The following ZNF860 variants were observed in gnomAD, a reference collection of about 807,000 sequenced individuals.
ZNF860 encodes the protein zinc finger protein 860.
For missense variants in ZNF860, 641 were observed against 759.2 expected, an observed-to-expected ratio of 0.84 and a Z score of 1.83; for synonymous variants, 206 against 248.9, an observed-to-expected ratio of 0.83 and a Z score of 1.62.
rs1698994912 is a variant in ZNF860 at position 31,989,615 on chromosome 3, T to C, written c.536T>C (p.Val179Ala). ...ACCAAAGGGAAAGTTGGTAATCAAG[T>C]TGAGAAGTCTATCAACGATGCTTCC... ...FQTKGKVGNQVEKSINDASSV... is the reference protein window; with the variant it reads ...FQTKGKVGNQAEKSINDASSV... The change falls in exon 2 of 2, where the codon GTT becomes GCT. Residue 179 changes from valine to alanine, a missense_variant. Val to Ala is a moderately conservative substitution (Grantham distance 64). Transcript: ENST00000360311. 1 of 1,614,190 alleles carries C rather than the reference T, an allele frequency of 6.2e-7. No individual in the cohort carries two copies. Among genetic ancestry groups the C allele is most frequent in the East Asian group, 2.2e-5 (1 of 44,870 alleles).
the ZNF860 span, among the ~76,000 whole-genome samples, chr3:31,996,879 A>G: frequency 6.6e-6 from 1 of 152,290 alleles, no homozygotes; most frequent in African/African-American, 2.4e-5. Flanking sequence ...TCCATTCAAT[A>G]TGGTATGTGG....
chr3:31,987,625 C>T (rs976223995), intron 1 of ZNF860, among the ~76,000 whole-genome samples: 1 of 152,166 alleles, frequency 6.6e-6, no homozygotes, highest in Non-Finnish European at 1.5e-5. Context: ...CTCTCTAATC[C>T]ACAGGGTCTC....
Position 31,988,790 on chromosome 3 carries a change from A to G in ZNF860, c.-290A>G. 2.2e-6 allele frequency: 1 copy of G among 457,932 alleles called. No individual in the cohort carries two copies. Among genetic ancestry groups the G allele is most frequent in the Non-Finnish European group, 3.9e-6 (1 of 254,712 alleles). The allele number at this position is 457,932 out of a possible 1,614,324, so 28.4% of individuals were successfully genotyped here. On this transcript the variant is annotated 5_prime_UTR_variant, in exon 2 of 2. Coordinates refer to ENST00000360311, the MANE Select transcript of ZNF860 (RefSeq NM_001137674.3). ...ATAAGCAGATTTTCTGAGACCTGCT[A>G]ACAGCCATGTGAGTGACCTTGGAAG...
chr3:31,998,683 T>C, the ZNF860 span, among the ~76,000 whole-genome samples: 1 of 152,248 alleles, frequency 6.6e-6, no homozygotes, highest in African/African-American at 2.4e-5. Context: ...GCCAATTGGC[T>C]ATCCATCAAT....
chr3:31,985,684 A>T (rs1198981719), intron 1 of ZNF860, among the ~76,000 whole-genome samples: 1 of 152,248 alleles, frequency 6.6e-6, no homozygotes, highest in Non-Finnish European at 1.5e-5. Flanking sequence ...AGAGAAAATT[A>T]TCACAACCAG....
chr3:32,003,401 T>A, the ZNF860 span, among the ~76,000 whole-genome samples: 2 of 152,292 alleles, frequency 1.3e-5, no homozygotes, highest in South Asian at 4.1e-4. Flanking sequence ...GCAAAGCTGA[T>A]CCCTGTGTGG....
chr3:31,994,802 C>T (rs973681626), downstream of ZNF860, among the ~76,000 whole-genome samples: 1 of 152,038 alleles, frequency 6.6e-6, no homozygotes, highest in Admixed American at 6.6e-5. Flanking sequence ...AAACAAATAC[C>T]CCAGTATCAG....
chr3:31,986,163 G>A (rs34706964), intron 1 of ZNF860: 2 of 152,148 alleles, frequency 1.3e-5, no homozygotes, highest in African/African-American at 4.8e-5. Context: ...GAGAGAAGCA[G>A]TACAGGTGTT....
rs756039556 is a variant in ZNF860, at chr3:31,989,590, A to G, written c.511A>G (p.Thr171Ala). 1 of 1,614,216 alleles carries G rather than the reference A, an allele frequency of 6.2e-7. No individual in the cohort carries two copies. Among genetic ancestry groups the G allele is most frequent in the Admixed American group, 1.7e-5 (1 of 60,026 alleles). Residue 171 changes from threonine (T) to alanine (A), a missense_variant, in exon 2 of 2, where the codon ACC becomes GCC. By Grantham distance (58) the Thr-to-Ala change is moderately conservative. Transcript: ENST00000360311. ...TCTTCCTGAACTCCACATATTTCAGACCAAAGGGAAAGTTGGTAATCAAGT... is the reference window on the plus strand; with the variant it reads ...TCTTCCTGAACTCCACATATTTCAGGCCAAAGGGAAAGTTGGTAATCAAGT... ...SHLPELHIFQ[T>A]KGKVGNQVEK...
At chr3:31,997,783 G>A in the ZNF860 span, among the ~76,000 whole-genome samples, 1 of 151,880 alleles carries the variant, frequency 6.6e-6, no homozygotes. Flanking sequence ...TTTTTGTTTT[G>A]TTTTGTTTTT....
At position 31,986,877 on chromosome 3, in the gene ZNF860, T is replaced by C. The variant is rs538202054; in HGVS notation, c.-420-1783T>C. 5.7e-4 allele frequency among the ~76,000 whole-genome samples: 86 copies of C among 152,118 alleles called. No homozygotes were observed. The East Asian group carries it at 6.8e-3, about 12-fold the overall frequency. On this transcript the variant is annotated intron_variant, in intron 1 of 1. Transcript: ENST00000360311. ...AAAATAAGCCAGCCACAGTGGCACA[T>C]GTACCTGTAGTCCCAGCTACTCAGG...
chr3:31,993,762 T>G (rs940958117), downstream of ZNF860, among the ~76,000 whole-genome samples: 2 of 152,104 alleles, frequency 1.3e-5, no homozygotes, highest in Non-Finnish European at 2.9e-5. Flanking sequence ...CTCTTACACA[T>G]TGCTGGTGAG....
chr3:31,992,362 T>C (rs540714516), downstream of ZNF860, among the ~76,000 whole-genome samples: 2 of 152,314 alleles, frequency 1.3e-5, no homozygotes, highest in Admixed American at 1.3e-4. Context: ...TATAAAACAA[T>C]ACAACTTGAT....
At chr3:31,995,416 A>C (rs545804061), downstream of ZNF860, among the ~76,000 whole-genome samples, 3 of 152,314 alleles carry the variant, frequency 2.0e-5, no homozygotes, top group African/African-American at 7.2e-5. Flanking sequence ...CCCTATTTGC[A>C]TGTCCATTTA....
rs1417968609 is a variant in ZNF860, at chr3:31,990,183, A to C, written c.1104A>C (p.Lys368Asn). The change falls in exon 2 of 2, where the codon AAA (lysine) becomes AAC (asparagine). Residue 368 changes from lysine to asparagine, a missense_variant. By Grantham distance (94) the Lys-to-Asn change is moderately conservative. Transcript: ENST00000360311. ...TQHTRIHTGE[K>N]PYKCNECGKA... ...ACACTAGAATTCACACTGGAGAGAA[A>C]CCTTACAAGTGTAATGAGTGTGGCA... 1 of 1,614,038 alleles carries C rather than the reference A, an allele frequency of 6.2e-7. No individual in the cohort carries two copies. The highest frequency in any genetic ancestry group is 8.5e-7 in the Non-Finnish European group (1 of 1,179,920).
rs1327900408 is a variant in ZNF860, at chr3:31,991,114, A to T, written c.*136A>T. 5.7e-6 allele frequency: 5 copies of T among 874,768 alleles called. No homozygotes were observed. Among genetic ancestry groups the T allele is most frequent in the Non-Finnish European group, 7.1e-6 (4 of 567,160 alleles). The allele number at this position is 874,768 out of a possible 1,614,324, so 54.2% of individuals were successfully genotyped here. A position where few individuals can be genotyped will look rare whatever the true frequency, so the allele number is the denominator to read the frequency against. On this transcript the variant is annotated 3_prime_UTR_variant, in exon 2 of 2. Coordinates refer to ENST00000360311, the MANE Select transcript of ZNF860 (RefSeq NM_001137674.3). ...TGACTTGAGTTTCAGTTGACTTGAC[A>T]TTGAGTTCAAGCATTAATTGACATT...
chr3:32,000,993 T>C, the ZNF860 span, among the ~76,000 whole-genome samples: 2 of 152,108 alleles, frequency 1.3e-5, no homozygotes, highest in Admixed American at 1.3e-4. Context: ...TTGGAGCTGT[T>C]AGCAGCCATG....
chr3:31,986,235 A>C (rs138417805), intron 1 of ZNF860: 1 of 152,222 alleles, frequency 6.6e-6, no homozygotes, highest in Admixed American at 6.5e-5. Context: ...TGTTTATTGC[A>C]TGATAAATGA....
rs780565203 is a variant in ZNF860 at position 31,990,890 on chromosome 3, C to T, written c.1811C>T (p.Thr604Ile). The T allele has an allele frequency of 2.0e-5, 32 of 1,575,794 alleles. No individual in the cohort carries two copies. Among genetic ancestry groups the T allele is most frequent in the Non-Finnish European group, 2.4e-5 (28 of 1,159,466 alleles). ...HKCDDCGKAF[T>I]SHSHRIRHQR... Reference sequence around the variant, plus strand: ...TGTGATGATTGTGGCAAAGCCTTTACTTCACATTCACATCGCATTAGACAT... The same window carrying T: ...TGTGATGATTGTGGCAAAGCCTTTATTTCACATTCACATCGCATTAGACAT... The change falls in exon 2 of 2, where the codon ACT becomes ATT. Residue 604 changes from threonine to isoleucine, a missense_variant. Thr to Ile is a moderately conservative substitution (Grantham distance 89). Transcript: ENST00000360311.
Sources: gnomAD v4.1 joint callset for allele counts (sites outside exome capture counted in the v4.1 genomes callset) on GRCh38, gnomAD v4.1.1 for gene constraint, MANE v1.5 for transcripts, NCBI Gene and HGNC (gene_info 2026-07-23, HGNC 2026-07-21) for gene names.